ANKS1B: variants seen among roughly 807,000 people sequenced by gnomAD.
ANKS1B encodes the protein ankyrin repeat and sterile alpha motif domain containing 1B, also known as ankyrin repeat and sterile alpha motif domain-containing protein 1B.
Under a neutral mutation model 148.3 loss-of-function variants are expected in ANKS1B, and 36 were observed. That is an observed-to-expected ratio of 0.24 (90% CI 0.19 to 0.32). ANKS1B has a LOEUF of 0.32. Among genes scored for constraint, ANKS1B ranks in the 10% least tolerant of loss-of-function variants. ANKS1B has a pLI of 1.00. For synonymous variants in ANKS1B, 542 were observed against 560.8 expected (o/e 0.97, Z 0.47); for missense variants, 1,157 against 1,542.6 (o/e 0.75, Z 4.19).
At chr12:99,008,439 T>G (rs2099937420) in intron 17 of ANKS1B, among the ~76,000 whole-genome samples, 1 of 152,162 alleles carries the variant, frequency 6.6e-6, no homozygotes, top group South Asian at 2.1e-4. Context: ...TTTGGAATAT[T>G]ATAAGATAGG....
At chr12:99,681,449 A>G (rs1004522400) in intron 8 of ANKS1B, among the ~76,000 whole-genome samples, 3 of 152,184 alleles carry the variant, frequency 2.0e-5, no homozygotes, top group Admixed American at 6.5e-5. Flanking sequence ...CCCCTCTGCT[A>G]CCTCCACTGG....
chr12:99,147,930 A>C (rs2073709742), intron 15 of ANKS1B, among the ~76,000 whole-genome samples: 1 of 152,032 alleles, frequency 6.6e-6, no homozygotes, highest in Admixed American at 6.6e-5. Flanking sequence ...AGCAGGGGGC[A>C]GGGAACTGGT....
chr12:99,455,599 T>TTGGGCTG (rs1330289910), intron 10 of ANKS1B, among the ~76,000 whole-genome samples: 1 of 152,120 alleles, frequency 6.6e-6, no homozygotes, highest in African/African-American at 2.4e-5. Context: ...GACTGGCCTT[T>TTGGGCTG]TGGGCTGTGG....
At chr12:99,014,050 A>C (rs572999631) in intron 17 of ANKS1B, among the ~76,000 whole-genome samples, 1 of 152,298 alleles carries the variant, frequency 6.6e-6, no homozygotes, top group East Asian at 1.9e-4. Flanking sequence ...AAAGAAAAAA[A>C]TCCAGAATAG....
intron 11 of ANKS1B, among the ~76,000 whole-genome samples, chr12:99,434,547 C>T (rs538190653): frequency 5.3e-5 from 8 of 151,864 alleles, no homozygotes; most frequent in Admixed American, 1.3e-4. Flanking sequence ...TATTTATTAC[C>T]ATTTTAATAA....
intron 12 of ANKS1B, among the ~76,000 whole-genome samples, chr12:99,324,430 A>G (rs2085915267): frequency 6.6e-6 from 1 of 152,146 alleles, no homozygotes; most frequent in Non-Finnish European, 1.5e-5. Flanking sequence ...GAAGACATCT[A>G]GGGTCCTTTC....
chr12:99,170,313 C>T (rs1276961327), intron 14 of ANKS1B, among the ~76,000 whole-genome samples: 4 of 151,814 alleles, frequency 2.6e-5, no homozygotes, highest in Admixed American at 6.6e-5. Flanking sequence ...CCCAGACTCT[C>T]GAGCCAGACT....
intron 24 of ANKS1B, among the ~76,000 whole-genome samples, chr12:98,777,670 C>T (rs1566371573): frequency 1.3e-5 from 2 of 152,246 alleles, no homozygotes; most frequent in Non-Finnish European, 2.9e-5. Flanking sequence ...TTCAAGATCG[C>T]TTTCTGCTTC....
At chr12:99,142,593 T>A (rs2071319670) in intron 15 of ANKS1B, among the ~76,000 whole-genome samples, 1 of 152,148 alleles carries the variant, frequency 6.6e-6, no homozygotes, top group Non-Finnish European at 1.5e-5. Flanking sequence ...AGAATCTATT[T>A]CTTCTGCCTC....
At chr12:99,661,040 G>A (rs1429824711) in intron 8 of ANKS1B, among the ~76,000 whole-genome samples, 1 of 151,962 alleles carries the variant, frequency 6.6e-6, no homozygotes, top group Non-Finnish European at 1.5e-5. Flanking sequence ...GGCCTTTCCA[G>A]GGCCTTGAAG....
At chr12:99,631,484 C>T (rs2098160811) in intron 9 of ANKS1B, among the ~76,000 whole-genome samples, 1 of 152,022 alleles carries the variant, frequency 6.6e-6, no homozygotes, top group East Asian at 1.9e-4. Context: ...GTTTGGAAGT[C>T]CTTAGAGATT....
intron 9 of ANKS1B, among the ~76,000 whole-genome samples, chr12:99,526,772 A>C (rs1409566530): frequency 1.3e-5 from 2 of 152,224 alleles, no homozygotes; most frequent in Non-Finnish European, 2.9e-5. Context: ...TTTGGGTATG[A>C]TATGGGTTAA....
chr12:99,223,881 A>G (rs181881019), intron 14 of ANKS1B, among the ~76,000 whole-genome samples: 1 of 152,196 alleles, frequency 6.6e-6, no homozygotes, highest in South Asian at 2.1e-4. Flanking sequence ...GTTGAACTAT[A>G]GCCAAGTGTG....
intron 12 of ANKS1B, among the ~76,000 whole-genome samples, chr12:99,317,724 G>A (rs942900386): frequency 6.6e-6 from 1 of 152,070 alleles, no homozygotes; most frequent in Admixed American, 6.6e-5. Flanking sequence ...GGTGAGAGAG[G>A]GCATCTCTGT....
At chr12:99,054,133 T>A (rs1171551417) in intron 16 of ANKS1B, among the ~76,000 whole-genome samples, 1 of 152,184 alleles carries the variant, frequency 6.6e-6, no homozygotes, top group East Asian at 1.9e-4. Flanking sequence ...GTTTTCGAAG[T>A]GACTCACTTC....
intron 22 of ANKS1B, among the ~76,000 whole-genome samples, chr12:98,787,735 C>T (rs2098808924): frequency 6.6e-6 from 1 of 151,778 alleles, no homozygotes; most frequent in African/African-American, 2.4e-5. Flanking sequence ...GCCTGGGCAA[C>T]ACAGTGAAAC....
intron 22 of ANKS1B, among the ~76,000 whole-genome samples, chr12:98,785,982 G>A (rs2098791012): frequency 6.6e-6 from 1 of 152,022 alleles, no homozygotes; most frequent in Non-Finnish European, 1.5e-5. Flanking sequence ...CATTTTTCAG[G>A]TTTCCCAATG....
intron 17 of ANKS1B, among the ~76,000 whole-genome samples, chr12:98,890,855 C>G (rs1272768001): frequency 6.6e-6 from 1 of 152,200 alleles, no homozygotes; most frequent in Non-Finnish European, 1.5e-5. Context: ...CAAGCACCCT[C>G]CAAATATATG....
In ANKS1B at chr12:99,983,723, C is replaced by A. The variant is rs144372231; in HGVS notation, c.134+381G>T. ...GGTAATTGCATGCACGCAAGAGATT[C>A]TCTGCCAATTTCATTTAACTAGACA... On this transcript the variant is annotated intron_variant, in intron 1 of 26. Transcript: ENST00000683438. Among the ~76,000 whole-genome samples, 748 of 152,276 alleles carry A rather than the reference C, an allele frequency of 4.9e-3. 6 individuals carry two copies. The highest frequency in any genetic ancestry group is 0.016 in the African/African-American group (683 of 41,566).
Sources: gnomAD v4.1 joint callset for allele counts (sites outside exome capture counted in the v4.1 genomes callset) on GRCh38, gnomAD v4.1.1 for gene constraint, MANE v1.5 for transcripts, NCBI Gene and HGNC (gene_info 2026-07-23, HGNC 2026-07-21) for gene names.